MOXD1: variants seen among roughly 807,000 people sequenced by gnomAD.
MOXD1 encodes DBH-like monooxygenase protein 1.
In MOXD1, 62 loss-of-function variants were observed where a neutral mutation model predicts 66.6. The ratio of observed to expected loss-of-function variants is 0.93; its 90% CI spans 0.76 to 1.15. The LOEUF (loss-of-function observed/expected upper bound fraction) is 1.15. Ranked by LOEUF, MOXD1 falls within the 50% of genes most tolerant of loss-of-function variation. MOXD1 has a pLI of 0.00. For synonymous variants in MOXD1, 303 were observed against 281.9 expected (o/e 1.07, Z -0.75); for missense variants, 847 against 754.6 (o/e 1.12, Z -1.44).
chr6:132,336,930 G>T (rs143968085), intron 4 of MOXD1, among the ~76,000 whole-genome samples: 3 of 152,236 alleles, frequency 2.0e-5, no homozygotes, highest in African/African-American at 7.2e-5. Context: ...CGACGAAAAA[G>T]AATTCAACCC....
intron 10 of MOXD1, among the ~76,000 whole-genome samples, chr6:132,301,033 T>A (rs12529580): frequency 0.019 from 2,950 of 152,220 alleles, 47 homozygotes; most frequent in Middle Eastern, 0.044. Context: ...TCAAAAAGAC[T>A]AAGCTTTAAA....
At chr6:132,340,451 T>C (rs1016142140) in intron 4 of MOXD1, among the ~76,000 whole-genome samples, 5 of 150,614 alleles carry the variant, frequency 3.3e-5, no homozygotes, top group African/African-American at 1.2e-4. Context: ...CTTTTTTTTT[T>C]TTTTTTTTTT....
chr6:132,359,544 T>C (rs546859200), intron 4 of MOXD1, among the ~76,000 whole-genome samples: 7 of 149,712 alleles, frequency 4.7e-5, no homozygotes, highest in Middle Eastern at 3.5e-3. Flanking sequence ...TGGAGTGCAG[T>C]GGCGCGATCT....
In MOXD1 at chr6:132,372,639, G is replaced by A. The variant is rs1192086469; in HGVS notation, c.632C>T (p.Pro211Leu). ...TTYWCQMFKI[P>L]VFQEKHHVIK... Reference sequence around the variant, plus strand: ...TACATGATGCTTTTCTTGGAACACAGGAATCTTAAACATTTGGCACCAATA... The same window carrying A: ...TACATGATGCTTTTCTTGGAACACAAGAATCTTAAACATTTGGCACCAATA... The change falls in exon 4 of 12, where the codon CCT becomes CTT. Residue 211 changes from proline (P) to leucine (L), a missense_variant. Coordinates refer to ENST00000367963, the MANE Select transcript of MOXD1 (RefSeq NM_015529.4). 2 of 1,613,840 alleles carry A rather than the reference G, an allele frequency of 1.2e-6. No homozygotes were observed. The highest frequency in any genetic ancestry group is 1.6e-4 in the Middle Eastern group (1 of 6,062).
At chr6:132,374,303 C>A (rs560838819) in intron 2 of MOXD1, among the ~76,000 whole-genome samples, 1 of 152,110 alleles carries the variant, frequency 6.6e-6, no homozygotes, top group Non-Finnish European at 1.5e-5. Flanking sequence ...TAATACATTT[C>A]TTCAAACATT....
intron 1 of MOXD1, among the ~76,000 whole-genome samples, chr6:132,376,501 C>CT (rs1166086289): frequency 0.016 from 1,041 of 65,368 alleles, 241 homozygotes; most frequent in East Asian, 0.098. Flanking sequence ...ACTACAGCTT[C>CT]TTTTTTTTTT....
intron 9 of MOXD1, among the ~76,000 whole-genome samples, chr6:132,318,746 A>G (rs1775010145): frequency 1.3e-5 from 2 of 152,048 alleles, no homozygotes; most frequent in Admixed American, 6.6e-5. Context: ...CTCCAAAGTC[A>G]TGAAGATATA....
chr6:132,389,825 TC>T (rs1048404443), intron 1 of MOXD1, among the ~76,000 whole-genome samples: 2 of 151,500 alleles, frequency 1.3e-5, no homozygotes, highest in African/African-American at 4.8e-5. Flanking sequence ...GTCATGAGTT[TC>T]CTTTTATAAG....
At chr6:132,349,488 T>TATATAC (rs1562290171) in intron 4 of MOXD1, among the ~76,000 whole-genome samples, 4 of 104,298 alleles carry the variant, frequency 3.8e-5, no homozygotes, top group African/African-American at 1.3e-4. Flanking sequence ...TATACATATA[T>TATATAC]ATATATACCA....
chr6:132,345,158 C>G (rs898445980), intron 4 of MOXD1, among the ~76,000 whole-genome samples: 2 of 152,108 alleles, frequency 1.3e-5, no homozygotes, highest in Admixed American at 1.3e-4. Flanking sequence ...ATTTCCTACC[C>G]CACACTATAA....
intron 4 of MOXD1, among the ~76,000 whole-genome samples, chr6:132,332,262 A>G (rs558657198): frequency 6.6e-6 from 1 of 152,216 alleles, no homozygotes; most frequent in African/African-American, 2.4e-5. Flanking sequence ...AAGCAAAAAC[A>G]CCAACCCATA....
At chr6:132,346,769 G>T (rs943998524) in intron 4 of MOXD1, among the ~76,000 whole-genome samples, 1 of 152,088 alleles carries the variant, frequency 6.6e-6, no homozygotes, top group Non-Finnish European at 1.5e-5. Context: ...GCTGTTTTTT[G>T]ATTAACTAGA....
rs1414027690 is a variant in MOXD1 at position 132,323,985 on chromosome 6, T to C, written c.1059A>G (p.Pro353=). ...CCTCAGACTGGAACTCAGGCATCCC[T>C]GGAGGGATGGTATGGAAGAGGCTCA... is the stretch of plus-strand genomic sequence containing the variant. ...LWVSLFHTIP[P]GMPEFQSEGH... is the part of the protein sequence containing the mutation. The change falls in exon 7 of 12, where the codon CCA becomes CCG. Residue 353 remains proline, a synonymous_variant. Transcript: ENST00000367963. 1.2e-6 allele frequency: 2 copies of C among 1,613,994 alleles called. No individual in the cohort carries two copies. The highest frequency in any genetic ancestry group is 1.1e-5 in the South Asian group (1 of 91,054).
At chr6:132,313,323 T>C (rs1774871670) in intron 10 of MOXD1, among the ~76,000 whole-genome samples, 1 of 152,232 alleles carries the variant, frequency 6.6e-6, no homozygotes, top group Non-Finnish European at 1.5e-5. Context: ...AAATCATGCA[T>C]ATGAAAATAC....
intron 4 of MOXD1, among the ~76,000 whole-genome samples, chr6:132,351,888 A>G (rs933619885): frequency 3.9e-5 from 6 of 152,114 alleles, no homozygotes; most frequent in African/African-American, 1.2e-4. Flanking sequence ...AAATTTATCC[A>G]TCTCTTCTAG....
At chr6:132,310,853 G>A (rs558331157) in intron 10 of MOXD1, among the ~76,000 whole-genome samples, 1 of 152,126 alleles carries the variant, frequency 6.6e-6, no homozygotes. Context: ...TTGGGGGATG[G>A]GGGGTGAAGG....
At chr6:132,386,168 C>G (rs111867716) in intron 1 of MOXD1, among the ~76,000 whole-genome samples, 4 of 127,650 alleles carry the variant, frequency 3.1e-5, no homozygotes, top group Non-Finnish European at 6.5e-5. Context: ...TTTGGGAGGC[C>G]GAGGCGGGCG....
chr6:132,399,472 C>T (rs958478316), intron 1 of MOXD1, among the ~76,000 whole-genome samples: 2 of 152,128 alleles, frequency 1.3e-5, no homozygotes, highest in African/African-American at 2.4e-5. Flanking sequence ...TTAACTAAGT[C>T]CTATGCAATC....
chr6:132,353,043 G>A (rs1010935663), intron 4 of MOXD1, among the ~76,000 whole-genome samples: 1 of 152,070 alleles, frequency 6.6e-6, no homozygotes, highest in East Asian at 1.9e-4. Flanking sequence ...TACGTGTTAG[G>A]TGAGTCTCCT....
Sources: gnomAD v4.1 joint callset for allele counts (sites outside exome capture counted in the v4.1 genomes callset) on GRCh38, gnomAD v4.1.1 for gene constraint, MANE v1.5 for transcripts, NCBI Gene and HGNC (gene_info 2026-07-23, HGNC 2026-07-21) for gene names.